Variants in CADPS2 observed in about 807,000 individuals in gnomAD.
CADPS2 encodes the protein calcium-dependent secretion activator 2.
CADPS2 carries 93 observed loss-of-function variants against 172.5 expected under a neutral mutation model. The observed-to-expected ratio is 0.54, with a 90% CI of 0.46 to 0.64. The LOEUF is 0.64. Ranked by LOEUF, CADPS2 falls within the 30% of genes least tolerant of loss-of-function variation. The probability of loss-of-function intolerance (pLI) is 0.00; values close to 1 mark genes in which losing one functional copy is unlikely to be tolerated. For synonymous variants in CADPS2, 546 were observed against 555.2 expected (o/e 0.98, Z 0.23); for missense variants, 1,420 against 1,565.9 (o/e 0.91, Z 1.57).
chr7:122,843,208 G>T (rs142057708), intron 1 of CADPS2, among the ~76,000 whole-genome samples: 1 of 151,900 alleles, frequency 6.6e-6, no homozygotes, highest in Non-Finnish European at 1.5e-5. Context: ...ACAAAAGCAT[G>T]TACTCAATCA....
chr7:122,520,888 G>A (rs2060734938), intron 8 of CADPS2, among the ~76,000 whole-genome samples: 1 of 152,008 alleles, frequency 6.6e-6, no homozygotes, highest in Admixed American at 6.6e-5. Context: ...CATCACTAAT[G>A]AATATTTGAA....
At chr7:122,559,465 T>C (rs2065443506) in intron 7 of CADPS2, among the ~76,000 whole-genome samples, 1 of 152,142 alleles carries the variant, frequency 6.6e-6, no homozygotes, top group African/African-American at 2.4e-5. Context: ...ATTCTCTTTA[T>C]GTTCTTAAAA....
At chr7:122,849,156 A>G (rs1812821504) in intron 1 of CADPS2, among the ~76,000 whole-genome samples, 1 of 152,236 alleles carries the variant, frequency 6.6e-6, no homozygotes, top group Non-Finnish European at 1.5e-5. Context: ...GATTAGCTTA[A>G]TTAAGCATGT....
intron 8 of CADPS2, among the ~76,000 whole-genome samples, chr7:122,543,755 CA>C (rs1408414489): frequency 6.6e-6 from 1 of 152,020 alleles, no homozygotes; most frequent in Non-Finnish European, 1.5e-5. Context: ...TCTGAACAAT[CA>C]AAAGTATATA....
chr7:122,692,273 G>T (rs1455827868), intron 2 of CADPS2, among the ~76,000 whole-genome samples: 1 of 152,076 alleles, frequency 6.6e-6, no homozygotes, highest in Non-Finnish European at 1.5e-5. Flanking sequence ...CCACGGTGGT[G>T]GGGGGAGGGT....
chr7:122,534,263 A>G (rs1283150750), intron 8 of CADPS2, among the ~76,000 whole-genome samples: 14 of 152,060 alleles, frequency 9.2e-5, no homozygotes, highest in Admixed American at 7.2e-4. Context: ...AATCAAAATC[A>G]TTTGCTTTTG....
intron 15 of CADPS2, among the ~76,000 whole-genome samples, chr7:122,447,339 C>A (rs1403161255): frequency 6.6e-6 from 1 of 151,686 alleles, no homozygotes. Context: ...CTAATTAATA[C>A]AACTCCAAGC....
At chr7:122,407,475 C>T (rs1054536274) in intron 20 of CADPS2, 65 bp downstream of exon 20, 18 of 1,513,114 alleles carry the variant, frequency 1.2e-5, no homozygotes, top group Non-Finnish European at 1.6e-5. Flanking sequence ...AGTAAAAATA[C>T]ATTCACATTC....
intron 9 of CADPS2, among the ~76,000 whole-genome samples, chr7:122,509,641 G>A (rs969571280): frequency 6.6e-6 from 1 of 152,158 alleles, no homozygotes; most frequent in Non-Finnish European, 1.5e-5. Flanking sequence ...ATGAACTGTA[G>A]TTATGTGCAT....
chr7:122,531,067 A>T (rs2061710483), intron 8 of CADPS2, among the ~76,000 whole-genome samples: 1 of 152,210 alleles, frequency 6.6e-6, no homozygotes, highest in Non-Finnish European at 1.5e-5. Context: ...AAAGTCAGCA[A>T]TCTTGAGAGA....
intron 19 of CADPS2, among the ~76,000 whole-genome samples, chr7:122,410,627 C>G (rs2047190327): frequency 6.6e-6 from 1 of 151,732 alleles, no homozygotes; most frequent in Admixed American, 6.6e-5. Context: ...CAATACTTGC[C>G]CTAACCTCTC....
chr7:122,438,268 T>C, intron 17 of CADPS2, 73 bp downstream of exon 17: 1 of 1,578,746 alleles, frequency 6.3e-7, no homozygotes, highest in Non-Finnish European at 8.7e-7. Context: ...AGGAAAGGAC[T>C]TCTCATAGAA....
chr7:122,436,118 A>C (rs1289244489), intron 17 of CADPS2, among the ~76,000 whole-genome samples: 1 of 152,146 alleles, frequency 6.6e-6, no homozygotes, highest in Non-Finnish European at 1.5e-5. Flanking sequence ...CTTGTGTTAA[A>C]TATTTTTATC....
At chr7:122,760,361 T>C (rs1041914363) in intron 1 of CADPS2, among the ~76,000 whole-genome samples, 1 of 152,124 alleles carries the variant, frequency 6.6e-6, no homozygotes, top group Admixed American at 6.6e-5. Context: ...TTAGCAGATA[T>C]ATATAATATT....
intron 6 of CADPS2, among the ~76,000 whole-genome samples, chr7:122,599,492 C>T (rs2072417076): frequency 6.6e-6 from 1 of 151,904 alleles, no homozygotes; most frequent in African/African-American, 2.4e-5. Context: ...ATCCTTACAG[C>T]TAGAAATACC....
chr7:122,724,056 A>T (rs2090812347), intron 2 of CADPS2, among the ~76,000 whole-genome samples: 1 of 151,418 alleles, frequency 6.6e-6, no homozygotes, highest in Admixed American at 6.6e-5. Context: ...GAGGGATAGC[A>T]TTAGGAGATA....
intron 7 of CADPS2, among the ~76,000 whole-genome samples, chr7:122,575,272 T>G (rs28671172): frequency 0.15 from 23,439 of 151,760 alleles, 2,337 homozygotes; most frequent in African/African-American, 0.28. Flanking sequence ...TATCCTAGAC[T>G]GGGGGAGAAT....
intron 1 of CADPS2, among the ~76,000 whole-genome samples, chr7:122,882,255 G>A (rs977131838): frequency 6.6e-6 from 1 of 152,096 alleles, no homozygotes; most frequent in Non-Finnish European, 1.5e-5. Context: ...AAAGTGGTAG[G>A]AGTGATTATA....
chr7:122,708,071 A>G (rs2087894788), intron 2 of CADPS2, among the ~76,000 whole-genome samples: 1 of 151,886 alleles, frequency 6.6e-6, no homozygotes, highest in African/African-American at 2.4e-5. Context: ...CATCTCATAT[A>G]GTTATCCATT....
Sources: gnomAD v4.1 joint callset for allele counts (sites outside exome capture counted in the v4.1 genomes callset) on GRCh38, gnomAD v4.1.1 for gene constraint, MANE v1.5 for transcripts, NCBI Gene and HGNC (gene_info 2026-07-23, HGNC 2026-07-21) for gene names.